Variants in USH2A observed in about 807,000 individuals in gnomAD.
USH2A encodes usherin.
In USH2A, 443 loss-of-function variants were observed where a neutral mutation model predicts 538.9. The observed-to-expected ratio is 0.82, with a 90% CI of 0.76 to 0.89. The LOEUF (loss-of-function observed/expected upper bound fraction) is 0.89. USH2A is among the 40% of genes least tolerant of loss of function. USH2A has a pLI of 0.00. For synonymous variants in USH2A, 2,413 were observed against 2,273.5 expected (o/e 1.06, Z -1.75); for missense variants, 6,633 against 6,324.8 (o/e 1.05, Z -1.65).
intron 61 of USH2A, among the ~76,000 whole-genome samples, chr1:215,691,522 T>A (rs1263659994): frequency 6.6e-6 from 1 of 152,184 alleles, no homozygotes; most frequent in African/African-American, 2.4e-5. Context: ...GCTCATCTTC[T>A]CAATGAGCCA....
chr1:216,240,280 C>A (rs1388674063), intron 13 of USH2A, among the ~76,000 whole-genome samples: 1 of 152,074 alleles, frequency 6.6e-6, no homozygotes, highest in Non-Finnish European at 1.5e-5. Flanking sequence ...AGAAGTTAAA[C>A]TAAAGAAAGT....
chr1:215,734,489 T>G (rs965909111), intron 60 of USH2A, among the ~76,000 whole-genome samples: 7 of 152,322 alleles, frequency 4.6e-5, no homozygotes, highest in African/African-American at 1.4e-4. Flanking sequence ...TTGAAAGTGG[T>G]CACTCCACAG....
At chr1:216,108,422 G>A (rs572742862) in intron 21 of USH2A, among the ~76,000 whole-genome samples, 6 of 149,832 alleles carry the variant, frequency 4.0e-5, no homozygotes, top group African/African-American at 7.3e-5. Context: ...TTTAGTAATC[G>A]GACTGTGAGT....
At chr1:215,900,959 T>C in intron 38 of USH2A, 54 bp from the exon 39 acceptor site, 1 of 1,609,738 alleles carries the variant, frequency 6.2e-7, no homozygotes, top group Non-Finnish European at 8.5e-7. Context: ...GAACATATGC[T>C]GGATGGAATC....
rs564249908 is a variant in USH2A, at chr1:216,402,258, A to G, written c.651+16256T>C. On this transcript the variant is annotated intron_variant, in intron 3 of 71. Coordinates refer to ENST00000307340, the MANE Select transcript of USH2A (RefSeq NM_206933.4). ...ATTTGAAATCAATAACAGAATTATA[A>G]TATTTAAAATCTCCAATTTATTTGA... is the stretch of plus-strand genomic sequence containing the variant. Among the ~76,000 whole-genome samples, 33 of 152,272 alleles carry G rather than the reference A, an allele frequency of 2.2e-4. No individual in the cohort carries two copies. In the East Asian group the frequency reaches 3.3e-3, roughly 15 times the overall value.
At chr1:215,804,549 G>C (rs1662437174) in intron 49 of USH2A, among the ~76,000 whole-genome samples, 2 of 147,800 alleles carry the variant, frequency 1.4e-5, no homozygotes, top group African/African-American at 5.2e-5. Context: ...ATCATCACTG[G>C]GCATCAGAGA....
intron 58 of USH2A, among the ~76,000 whole-genome samples, chr1:215,746,055 C>T (rs975942157): frequency 3.5e-5 from 5 of 142,836 alleles, no homozygotes; most frequent in African/African-American, 9.7e-5. Context: ...CGTAGGTCCT[C>T]GAATAATGTT....
At chr1:215,891,865 C>G (rs1262244763) in intron 40 of USH2A, among the ~76,000 whole-genome samples, 1 of 152,080 alleles carries the variant, frequency 6.6e-6, no homozygotes, top group African/African-American at 2.4e-5. Context: ...CAGCGCTCTC[C>G]GTGGGTGTAA....
At chr1:215,788,058 T>G (rs1661854880) in intron 51 of USH2A, among the ~76,000 whole-genome samples, 1 of 152,134 alleles carries the variant, frequency 6.6e-6, no homozygotes, top group African/African-American at 2.4e-5. Flanking sequence ...TGTGTGTATC[T>G]ATCTATCTAT....
At chr1:216,289,004 T>C (rs1240067209) in intron 11 of USH2A, among the ~76,000 whole-genome samples, 1 of 152,188 alleles carries the variant, frequency 6.6e-6, no homozygotes, top group East Asian at 1.9e-4. Context: ...CCAAGACATA[T>C]ACCCCAATTT....
intron 32 of USH2A, among the ~76,000 whole-genome samples, chr1:216,025,699 A>T (rs1668948189): frequency 6.6e-6 from 1 of 152,094 alleles, no homozygotes. Context: ...CTTTATAGAA[A>T]CCATTTATTT....
At chr1:215,792,194 C>T (rs1662001033) in intron 50 of USH2A, among the ~76,000 whole-genome samples, 1 of 152,110 alleles carries the variant, frequency 6.6e-6, no homozygotes, top group South Asian at 2.1e-4. Context: ...ATTTGAAACT[C>T]CTAATCAGTC....
chr1:216,403,065 C>T (rs944921706), intron 3 of USH2A, among the ~76,000 whole-genome samples: 1 of 152,098 alleles, frequency 6.6e-6, no homozygotes, highest in Non-Finnish European at 1.5e-5. Flanking sequence ...TTGTATACTA[C>T]ATATACTATA....
Position 216,175,349 on chromosome 1 carries a change from T to C in USH2A, c.4530A>G (p.Pro1510=), listed in dbSNP as rs751158662. The change falls in exon 21 of 72, where the codon CCA becomes CCG. Residue 1510 remains proline, a synonymous_variant. Coordinates refer to ENST00000307340, the MANE Select transcript of USH2A (RefSeq NM_206933.4). Reference sequence around the variant, plus strand: ...CTTTCATCATCGTGGTCATCAGAGCTGGTAGAGATGACTCTCTCCTTTCCA... The same window carrying C: ...CTTTCATCATCGTGGTCATCAGAGCCGGTAGAGATGACTCTCTCCTTTCCA... ...YQLERRESSL[P]ALMTTMMKGI... The C allele has an allele frequency of 3.1e-6, 5 of 1,613,748 alleles. No homozygotes were observed. Among genetic ancestry groups the C allele is most frequent in the Non-Finnish European group, 2.5e-6 (3 of 1,179,892 alleles).
At chr1:216,030,335 GAT>G (rs1234735011) in intron 32 of USH2A, among the ~76,000 whole-genome samples, 1 of 130,830 alleles carries the variant, frequency 7.6e-6, no homozygotes, top group African/African-American at 2.9e-5. Context: ...TAATATATAT[GAT>G]ATATAGATAT....
At chr1:216,069,991 A>C in intron 30 of USH2A, 110 bp downstream of exon 30, 4 of 1,288,352 alleles carry the variant, frequency 3.1e-6, no homozygotes. Flanking sequence ...CAGGTAAAAT[A>C]CATGTATATT....
chr1:216,259,503 C>T (rs2036324773), intron 11 of USH2A, among the ~76,000 whole-genome samples: 1 of 152,058 alleles, frequency 6.6e-6, no homozygotes, highest in Non-Finnish European at 1.5e-5. Context: ...AGAGCCAGTT[C>T]CCAGGAAGAC....
At chr1:216,416,842 GA>G (rs1238720167) in intron 3 of USH2A, among the ~76,000 whole-genome samples, 1 of 151,954 alleles carries the variant, frequency 6.6e-6, no homozygotes, top group African/African-American at 2.4e-5. Flanking sequence ...TGTCATTGTT[GA>G]TACAAAAATA....
chr1:216,217,351 G>A (rs767980350), intron 15 of USH2A, 36 bp downstream of exon 15: 29 of 1,610,934 alleles, frequency 1.8e-5, no homozygotes, highest in Non-Finnish European at 2.3e-5. Context: ...GTATGATGCT[G>A]CTTCACACAC....
Sources: allele counts gnomAD v4.1 joint callset (sites outside exome capture counted in the v4.1 genomes callset), GRCh38; gene constraint gnomAD v4.1.1; transcripts MANE v1.5; gene names NCBI Gene and HGNC (gene_info 2026-07-23, HGNC 2026-07-21).